Variants in FBXO32 observed in about 807,000 individuals in gnomAD.
FBXO32 encodes F-box protein 32.
A neutral mutation model predicts 48.3 loss-of-function variants in FBXO32; 15 were observed. That is an observed-to-expected ratio of 0.31 (90% CI 0.21 to 0.48). The LOEUF is 0.48. Among genes scored for constraint, FBXO32 ranks in the 20% least tolerant of loss-of-function variants. The pLI is 0.99. For missense variants in FBXO32, 309 were observed against 432.7 expected, an observed-to-expected ratio of 0.71 and a Z score of 2.54; for synonymous variants, 154 against 165.9, an observed-to-expected ratio of 0.93 and a Z score of 0.55.
In FBXO32 at chr8:123,506,664, T is replaced by C; in HGVS notation, c.652-90A>G. ...TCCAGGCATGCAGCTGTGCCCGTCC[T>C]CCACCCTCAAGGCAGTTTATTGATA... On this transcript the variant is annotated intron_variant, in intron 6 of 8. Transcript: ENST00000517956. The surrounding 1 kb of genome is among the most constrained non-coding windows in gnomAD (Gnocchi z 4.0). The C allele has an allele frequency of 8.7e-7, 1 of 1,148,144 alleles. No homozygotes were observed. The highest frequency in any genetic ancestry group is 1.2e-6 in the Non-Finnish European group (1 of 802,946). The allele number at this position is 1,148,144 out of a possible 1,614,324, so 71.1% of individuals were successfully genotyped here.
chr8:123,522,710 C>A (rs1473413048), intron 4 of FBXO32, among the ~76,000 whole-genome samples: 1 of 152,190 alleles, frequency 6.6e-6, no homozygotes, highest in African/African-American at 2.4e-5. Flanking sequence ...TGTTCCTTCC[C>A]ATTTCTAGGT....
intron 5 of FBXO32, 64 bp downstream of exon 5, chr8:123,514,176 T>G (rs1816791966): frequency 8.2e-7 from 1 of 1,216,992 alleles, no homozygotes; most frequent in South Asian, 1.4e-5. Flanking sequence ...TCCACTTCAT[T>G]GGAAAATCCA....
At position 123,498,610 on chromosome 8, in the gene FBXO32, C is replaced by G. The variant is rs150498405; in HGVS notation, c.*4763G>C. 6.6e-6 allele frequency: 1 copy of G among 152,280 alleles called. No individual in the cohort carries two copies. The highest frequency in any genetic ancestry group is 1.9e-4 in the East Asian group (1 of 5,178). 9.4% of individuals were successfully genotyped at this position (152,280 alleles called of 1,614,324 possible). ...GCTGGGCTAGAAATGCACTGAATCT[C>G]ATAGCTGGTCCTGAAGGAGGAAATG... On this transcript the variant is annotated 3_prime_UTR_variant, in exon 9 of 9. Coordinates refer to ENST00000517956, the MANE Select transcript of FBXO32 (RefSeq NM_058229.4).
chr8:123,530,866 C>A (rs932638029), intron 4 of FBXO32, among the ~76,000 whole-genome samples: 3 of 150,494 alleles, frequency 2.0e-5, no homozygotes, highest in African/African-American at 7.3e-5. Context: ...ATCTGCTTGT[C>A]TTAGCCTCCC....
At chr8:123,520,982 T>C (rs759717581) in intron 4 of FBXO32, among the ~76,000 whole-genome samples, 1 of 152,234 alleles carries the variant, frequency 6.6e-6, no homozygotes, top group Non-Finnish European at 1.5e-5. Context: ...CATGCTCGGC[T>C]CCATCCCATC....
In FBXO32 at chr8:123,513,151, C is replaced by G. The variant is rs1816769152; in HGVS notation, c.651+47G>C. On this transcript the variant is annotated intron_variant, in intron 6 of 8. Coordinates refer to ENST00000517956, the MANE Select transcript of FBXO32 (RefSeq NM_058229.4). This position sits in a 1 kb window ranked among gnomAD's most constrained non-coding sequence, Gnocchi z 4.3. Reference sequence around the variant, plus strand: ...GTCTTGGCGAGTCTGTCCAGTATCCCTGTGGAGGGACCCACTGCCGGGAGG... The same window carrying G: ...GTCTTGGCGAGTCTGTCCAGTATCCGTGTGGAGGGACCCACTGCCGGGAGG... The G allele has an allele frequency of 6.3e-7, 1 of 1,597,680 alleles. No homozygotes were observed. Among genetic ancestry groups the G allele is most frequent in the Non-Finnish European group, 8.6e-7 (1 of 1,165,912 alleles).
chr8:123,506,637 C>T lies in FBXO32; in HGVS notation c.652-63G>A. Reference sequence around the variant, plus strand: ...AGAGCAGCGATTCACCAGGCCACACCCTCCAGGCATGCAGCTGTGCCCGTC... The same window carrying T: ...AGAGCAGCGATTCACCAGGCCACACTCTCCAGGCATGCAGCTGTGCCCGTC... On this transcript the variant is annotated intron_variant, in intron 6 of 8. Coordinates refer to ENST00000517956, the MANE Select transcript of FBXO32 (RefSeq NM_058229.4). This position sits in a 1 kb window ranked among gnomAD's most constrained non-coding sequence, Gnocchi z 4.0. 7.1e-7 allele frequency: 1 copy of T among 1,409,390 alleles called. No homozygotes were observed. Among genetic ancestry groups the T allele is most frequent in the South Asian group, 1.4e-5 (1 of 74,028 alleles). The allele number at this position is 1,409,390 out of a possible 1,614,324, so 87.3% of individuals were successfully genotyped here. A position where few individuals can be genotyped will look rare whatever the true frequency, so the allele number is the denominator to read the frequency against.
intron 2 of FBXO32, among the ~76,000 whole-genome samples, chr8:123,534,265 T>TTAA (rs1202865061): frequency 1.6e-4 from 25 of 152,314 alleles, no homozygotes; most frequent in African/African-American, 6.0e-4. Context: ...ATTCCTGCTA[T>TTAA]TAATACCACT....
In FBXO32 at chr8:123,499,117, T is replaced by C. The variant is rs1816425362; in HGVS notation, c.*4256A>G. The C allele has an allele frequency of 6.6e-6, 1 of 152,244 alleles. No homozygotes were observed. The highest frequency in any genetic ancestry group is 2.4e-5 in the African/African-American group (1 of 41,460). 9.4% of individuals were successfully genotyped at this position (152,244 alleles called of 1,614,324 possible). On this transcript the variant is annotated 3_prime_UTR_variant, in exon 9 of 9. Transcript: ENST00000517956. The stretch of plus-strand genomic sequence containing the variant: ...AAGTTCGCATTCAGCTTTGCCACTG[T>C]ACCAGGTGGGCTGACGCACATCCCC...
intron 4 of FBXO32, among the ~76,000 whole-genome samples, chr8:123,520,919 G>A (rs1046209579): frequency 3.3e-5 from 5 of 152,086 alleles, no homozygotes; most frequent in South Asian, 2.1e-4. Flanking sequence ...TTCGTCTCTC[G>A]AATAGGCCAA....
At chr8:123,521,058 C>A (rs1816943078) in intron 4 of FBXO32, among the ~76,000 whole-genome samples, 2 of 152,196 alleles carry the variant, frequency 1.3e-5, no homozygotes, top group Admixed American at 6.5e-5. Flanking sequence ...CCATCTTATG[C>A]AAAAACCTCC....
Position 123,513,318 on chromosome 8 carries a change from T to C in FBXO32, c.531A>G (p.Leu177=). The C allele has an allele frequency of 6.2e-7, 1 of 1,614,216 alleles. No individual in the cohort carries two copies. Among genetic ancestry groups the C allele is most frequent in the Non-Finnish European group, 8.5e-7 (1 of 1,180,020 alleles). Residue 177 remains leucine, a synonymous_variant, in exon 6 of 9, where the codon TTA becomes TTG. Transcript: ENST00000517956. This position sits in a 1 kb window ranked among gnomAD's most constrained non-coding sequence, Gnocchi z 4.3. ...RELLQTLYTS[L]CTLVQRVGKS... Reference sequence around the variant, plus strand: ...TGCCGACTCTTTGGACCAGTGTACATAAGGATGTGTAGAGGGTCTGGAGTA... The same window carrying C: ...TGCCGACTCTTTGGACCAGTGTACACAAGGATGTGTAGAGGGTCTGGAGTA...
Position 123,506,330 on chromosome 8 carries a change from G to A in FBXO32, c.834+62C>T. 3 of 1,568,272 alleles carry A rather than the reference G, an allele frequency of 1.9e-6. No homozygotes were observed. The highest frequency in any genetic ancestry group is 2.6e-6 in the Non-Finnish European group (3 of 1,147,594). The stretch of plus-strand genomic sequence containing the variant: ...ACCTCAGGCTTGAGCAGGGCACCAA[G>A]GAAGTTTGGGGTGAGGGCCAGAGAA... On this transcript the variant is annotated intron_variant, in intron 7 of 8. Coordinates refer to ENST00000517956, the MANE Select transcript of FBXO32 (RefSeq NM_058229.4). This position sits in a 1 kb window ranked among gnomAD's most constrained non-coding sequence, Gnocchi z 4.0.
At chr8:123,507,402 T>C (rs1041880552) in intron 6 of FBXO32, among the ~76,000 whole-genome samples, 1 of 151,400 alleles carries the variant, frequency 6.6e-6, no homozygotes, top group Non-Finnish European at 1.5e-5. Flanking sequence ...AATAATTAAA[T>C]AGGTAGAAAA....
At chr8:123,524,214 G>A (rs1247674687) in intron 4 of FBXO32, among the ~76,000 whole-genome samples, 1 of 152,034 alleles carries the variant, frequency 6.6e-6, no homozygotes, top group African/African-American at 2.4e-5. Context: ...ACTTTTTCAG[G>A]TGGCCTCCTT....
At chr8:123,530,222 C>T (rs1451069055) in intron 4 of FBXO32, among the ~76,000 whole-genome samples, 1 of 152,164 alleles carries the variant, frequency 6.6e-6, no homozygotes, top group Non-Finnish European at 1.5e-5. Flanking sequence ...TTCTTGCAGG[C>T]CTGCGTTTTT....
At chr8:123,511,412 G>T (rs1342525546) in intron 6 of FBXO32, among the ~76,000 whole-genome samples, 1 of 152,108 alleles carries the variant, frequency 6.6e-6, no homozygotes, top group Admixed American at 6.5e-5. Flanking sequence ...GGCCAGGAGG[G>T]GTCCTTGGAA....
At position 123,506,115 on chromosome 8, in the gene FBXO32, G is replaced by C. The variant is rs554496564; in HGVS notation, c.834+277C>G. On this transcript the variant is annotated intron_variant, in intron 7 of 8. Transcript: ENST00000517956. The surrounding 1 kb of genome is among the most constrained non-coding windows in gnomAD (Gnocchi z 4.0). Reference sequence around the variant, plus strand: ...GTTGTGGCATGAGCCTGTAGTCCCAGCTACTCGGGAGGCTGAGGTGGGAGG... The same window carrying C: ...GTTGTGGCATGAGCCTGTAGTCCCACCTACTCGGGAGGCTGAGGTGGGAGG... Among the ~76,000 whole-genome samples, 453 of 152,300 alleles carry C rather than the reference G, an allele frequency of 3.0e-3. 3 individuals carry two copies. Among genetic ancestry groups the C allele is most frequent in the Non-Finnish European group, 5.0e-3 (343 of 68,028 alleles).
chr8:123,504,865 TA>T, intron 7 of FBXO32, 118 bp from the exon 8 acceptor site: 3 of 928,476 alleles, frequency 3.2e-6, no homozygotes, highest in Non-Finnish European at 4.8e-6. Context: ...AGCTCTACAA[TA>T]GCCAGGAAGG....
Sources: gnomAD v4.1 joint callset for allele counts (sites outside exome capture counted in the v4.1 genomes callset) on GRCh38, gnomAD v4.1.1 for gene constraint, Gnocchi (gnomAD v3.1) non-coding constraint, MANE v1.5 for transcripts, NCBI Gene and HGNC (gene_info 2026-07-23, HGNC 2026-07-21) for gene names.